ITGB3BP: variants seen among roughly 807,000 people sequenced by gnomAD.
The protein encoded by ITGB3BP is centromere protein R.
In ITGB3BP, 27 loss-of-function variants were observed where a neutral mutation model predicts 29.1. The ratio of observed to expected loss-of-function variants is 0.93; its 90% CI spans 0.68 to 1.28. ITGB3BP has a LOEUF of 1.28. Ranked by LOEUF, ITGB3BP falls within the 50% of genes most tolerant of loss-of-function variation. The pLI is 0.00. For synonymous variants in ITGB3BP, 61 were observed against 61.4 expected (o/e 0.99, Z 0.03); for missense variants, 192 against 200.2 (o/e 0.96, Z 0.25).
intron 8 of ITGB3BP, among the ~76,000 whole-genome samples, chr1:63,441,947 T>C (rs1271669533): frequency 6.7e-6 from 1 of 149,364 alleles, no homozygotes; most frequent in African/African-American, 2.6e-5. Context: ...AAAAATGACC[T>C]AATAAGGCTG....
chr1:63,485,889 T>C (rs1243359861), intron 3 of ITGB3BP, among the ~76,000 whole-genome samples: 3 of 152,080 alleles, frequency 2.0e-5, no homozygotes, highest in East Asian at 3.8e-4. Context: ...TTTATCATGA[T>C]ATAACTAGAT....
At chr1:63,519,300 T>G (rs543829476) in intron 1 of ITGB3BP, among the ~76,000 whole-genome samples, 1 of 152,216 alleles carries the variant, frequency 6.6e-6, no homozygotes, top group East Asian at 1.9e-4. Context: ...TCTTTTAAAA[T>G]AAAGTGTTGA....
intron 2 of ITGB3BP, among the ~76,000 whole-genome samples, chr1:63,492,442 C>T (rs1037017958): frequency 6.6e-6 from 1 of 152,120 alleles, no homozygotes; most frequent in Non-Finnish European, 1.5e-5. Context: ...CCCTACTTCC[C>T]TAAGTTTTCT....
At chr1:63,480,657 CT>C (rs1186423063) in intron 3 of ITGB3BP, among the ~76,000 whole-genome samples, 3 of 152,074 alleles carry the variant, frequency 2.0e-5, no homozygotes, top group South Asian at 2.1e-4. Flanking sequence ...AAAAAAAACC[CT>C]ATCACAATTA....
chr1:63,480,422 G>C (rs1293288915), intron 3 of ITGB3BP, among the ~76,000 whole-genome samples: 1 of 152,088 alleles, frequency 6.6e-6, no homozygotes, highest in African/African-American at 2.4e-5. Flanking sequence ...GCAAGTATTT[G>C]AGGACACATA....
At position 63,510,149 on chromosome 1, in the gene ITGB3BP, C is replaced by G. The variant is rs574916907; in HGVS notation, c.6-1579G>C. ...ATGTTGCAGTGAACGGAAATCGTGC[C>G]ATTGCACTCTAGCCTGGGCAACGGG... On this transcript the variant is annotated intron_variant, in intron 1 of 8. Transcript: ENST00000271002. The G allele has an allele frequency of 1.4e-4, 82 of 607,062 alleles. 2 individuals carry two copies. The highest frequency in any genetic ancestry group is 1.1e-3 in the Middle Eastern group (4 of 3,678). 37.6% of individuals were successfully genotyped at this position (607,062 alleles called of 1,614,324 possible).
chr1:63,520,787 T>C (rs1280510419), intron 1 of ITGB3BP, among the ~76,000 whole-genome samples: 2 of 152,204 alleles, frequency 1.3e-5, no homozygotes, highest in East Asian at 3.8e-4. Flanking sequence ...AGGCATCTAT[T>C]AAACTGTATT....
At chr1:63,525,012 G>A (rs920927814), upstream of ITGB3BP, among the ~76,000 whole-genome samples, 1 of 152,154 alleles carries the variant, frequency 6.6e-6, no homozygotes, top group African/African-American at 2.4e-5. Context: ...TTAATGAAAT[G>A]ATCTTGTTGA....
chr1:63,472,613 G>GGCGCGCGCC (rs1205779814), intron 4 of ITGB3BP, among the ~76,000 whole-genome samples: 1 of 150,862 alleles, frequency 6.6e-6, no homozygotes, highest in African/African-American at 2.4e-5. Context: ...TGCGATTGCA[G>GGCGCGCGCC]GCGCGCGCCG....
chr1:63,489,934 C>A (rs1169382353), intron 3 of ITGB3BP, 149 bp downstream of exon 3: 2 of 630,878 alleles, frequency 3.2e-6, no homozygotes, highest in East Asian at 3.2e-5. Context: ...ACATTTATGT[C>A]CAAAGTAATA....
chr1:63,500,241 G>C (rs1645892218), intron 2 of ITGB3BP, among the ~76,000 whole-genome samples: 1 of 152,138 alleles, frequency 6.6e-6, no homozygotes, highest in South Asian at 2.1e-4. Flanking sequence ...AGCTGGGCGT[G>C]GTTGTGTGCA....
intron 2 of ITGB3BP, among the ~76,000 whole-genome samples, chr1:63,502,414 G>T (rs975096822): frequency 6.6e-6 from 1 of 151,834 alleles, no homozygotes; most frequent in South Asian, 2.1e-4. Flanking sequence ...TGCTGATAAA[G>T]ACATACCTGA....
At chr1:63,510,299 G>C (rs2100782311) in intron 1 of ITGB3BP, 1 of 390,902 alleles carries the variant, frequency 2.6e-6, no homozygotes, top group Non-Finnish European at 4.5e-6. Context: ...CTTTTAGAAG[G>C]AGACATATTC....
intron 2 of ITGB3BP, among the ~76,000 whole-genome samples, chr1:63,493,448 A>G (rs1454408603): frequency 6.6e-5 from 10 of 151,408 alleles, no homozygotes; most frequent in Non-Finnish European, 1.5e-4. Context: ...AAACAAACAA[A>G]CAAACAAACC....
intron 4 of ITGB3BP, among the ~76,000 whole-genome samples, chr1:63,456,186 AAT>A (rs1444920742): frequency 3.3e-5 from 5 of 152,202 alleles, no homozygotes; most frequent in East Asian, 1.9e-4. Context: ...AAATAAGACA[AAT>A]ATGTTAAAAT....
chr1:63,483,766 T>C (rs898402874), intron 3 of ITGB3BP, among the ~76,000 whole-genome samples: 2 of 152,204 alleles, frequency 1.3e-5, no homozygotes, highest in African/African-American at 4.8e-5. Flanking sequence ...ACACCATATT[T>C]CTACTGTACC....
chr1:63,482,828 A>G (rs1258523303), intron 3 of ITGB3BP, among the ~76,000 whole-genome samples: 3 of 151,770 alleles, frequency 2.0e-5, no homozygotes, highest in Non-Finnish European at 4.4e-5. Context: ...TAATTTTTGT[A>G]TTTTTAGTAG....
chr1:63,484,506 A>C (rs1178303973), intron 3 of ITGB3BP, among the ~76,000 whole-genome samples: 1 of 152,024 alleles, frequency 6.6e-6, no homozygotes, highest in Admixed American at 6.5e-5. Context: ...CTGATCAATG[A>C]ATTATTTAGA....
At chr1:63,468,880 A>C (rs900976153) in intron 4 of ITGB3BP, among the ~76,000 whole-genome samples, 2 of 150,006 alleles carry the variant, frequency 1.3e-5, no homozygotes, top group Non-Finnish European at 3.0e-5. Context: ...TAAATAAATA[A>C]ATAAATAAAT....
Sources: gnomAD v4.1 joint callset for allele counts (sites outside exome capture counted in the v4.1 genomes callset) on GRCh38, gnomAD v4.1.1 for gene constraint, MANE v1.5 for transcripts, NCBI Gene and HGNC (gene_info 2026-07-23, HGNC 2026-07-21) for gene names.